The following CCDC171 variants were observed in gnomAD, a reference collection of about 807,000 sequenced individuals.
CCDC171 encodes coiled-coil domain-containing protein 171.
CCDC171 carries 177 observed loss-of-function variants against 168.2 expected under a neutral mutation model. The observed-to-expected ratio is 1.05, with a 90% CI of 0.93 to 1.19. The LOEUF is 1.19. Among genes scored for constraint, CCDC171 ranks in the 50% most tolerant of loss-of-function variants. The pLI, the probability that CCDC171 is intolerant of heterozygous loss-of-function variation, is 0.00. For synonymous variants in CCDC171, 687 were observed against 540.8 expected (o/e 1.27, Z -3.75); for missense variants, 1,991 against 1,539.0 (o/e 1.29, Z -4.91).
At chr9:16,086,238 C>A in the CCDC171 span, among the ~76,000 whole-genome samples, 1 of 151,982 alleles carries the variant, frequency 6.6e-6, no homozygotes, top group East Asian at 1.9e-4. Flanking sequence ...AGTTTATTTG[C>A]ATAGAGGTAT....
At chr9:15,553,504 G>C (rs2038508616) in intron 1 of CCDC171, 1 of 152,478 alleles carries the variant, frequency 6.6e-6, no homozygotes, top group South Asian at 2.1e-4. Context: ...AGATCGCTGA[G>C]GCTGTACCAG....
chr9:15,612,054 T>C (rs2043735653), intron 6 of CCDC171, among the ~76,000 whole-genome samples: 1 of 152,226 alleles, frequency 6.6e-6, no homozygotes, highest in African/African-American at 2.4e-5. Flanking sequence ...CTCTATAAAC[T>C]AGAAAGTAGG....
intron 4 of CCDC171, among the ~76,000 whole-genome samples, chr9:15,588,088 A>T (rs538101925): frequency 1.1e-4 from 17 of 152,130 alleles, no homozygotes; most frequent in Non-Finnish European, 1.8e-4. Context: ...TACAAAAATT[A>T]GCCAGGCGTG....
At chr9:15,628,582 G>A (rs2045379722) in intron 7 of CCDC171, among the ~76,000 whole-genome samples, 1 of 152,232 alleles carries the variant, frequency 6.6e-6, no homozygotes, top group African/African-American at 2.4e-5. Context: ...GCCTCTGTAG[G>A]CTCCACCTAT....
intron 24 of CCDC171, among the ~76,000 whole-genome samples, chr9:15,914,779 A>G (rs931464976): frequency 1.3e-5 from 2 of 152,050 alleles, no homozygotes; most frequent in African/African-American, 4.8e-5. Context: ...CTTGTGATGT[A>G]GGTACCCAAG....
At chr9:15,588,911 C>T (rs576531075) in intron 4 of CCDC171, among the ~76,000 whole-genome samples, 12 of 151,920 alleles carry the variant, frequency 7.9e-5, no homozygotes, top group African/African-American at 2.4e-4. Context: ...GGGGTTTCAC[C>T]GTGTTAGCCA....
chr9:15,918,159 G>T (rs1388220702), intron 24 of CCDC171, among the ~76,000 whole-genome samples: 2 of 151,442 alleles, frequency 1.3e-5, no homozygotes, highest in African/African-American at 4.8e-5. Flanking sequence ...CCTGTGTTTT[G>T]CTCTGAAAAA....
intron 18 of CCDC171, among the ~76,000 whole-genome samples, chr9:15,775,417 C>T (rs1359457649): frequency 6.6e-6 from 1 of 152,182 alleles, no homozygotes; most frequent in African/African-American, 2.4e-5. Context: ...CTCCCGAGTT[C>T]AAGGGATTCT....
intron 24 of CCDC171, among the ~76,000 whole-genome samples, chr9:15,912,963 C>T (rs1018987840): frequency 2.0e-5 from 3 of 152,154 alleles, no homozygotes; most frequent in Admixed American, 6.5e-5. Flanking sequence ...AGGATTTTCA[C>T]GTTGATATTC....
chr9:15,738,808 T>C (rs2054657011), intron 16 of CCDC171, among the ~76,000 whole-genome samples: 1 of 152,178 alleles, frequency 6.6e-6, no homozygotes, highest in South Asian at 2.1e-4. Flanking sequence ...TTTGGAAATT[T>C]TGTTTTTTTA....
At chr9:15,826,541 TTCTCTC>T (rs2060019546) in intron 21 of CCDC171, among the ~76,000 whole-genome samples, 1 of 152,154 alleles carries the variant, frequency 6.6e-6, no homozygotes, top group South Asian at 2.1e-4. Flanking sequence ...CTGATTTTCT[TTCTCTC>T]TCTCAATTTT....
intron 9 of CCDC171, among the ~76,000 whole-genome samples, chr9:15,675,428 G>A (rs553621994): frequency 2.4e-4 from 37 of 151,980 alleles, no homozygotes; most frequent in Non-Finnish European, 5.3e-4. Context: ...ATGTTAGCTG[G>A]TTATTTTGCC....
chr9:16,054,658 A>AT (rs999721720), intron 1 of CCDC171, among the ~76,000 whole-genome samples: 2 of 152,178 alleles, frequency 1.3e-5, no homozygotes, highest in South Asian at 4.1e-4. Flanking sequence ...CAAAAAATAT[A>AT]TTTTTTAATG....
chr9:15,665,783 A>G (rs989917686), intron 8 of CCDC171, among the ~76,000 whole-genome samples: 2 of 152,226 alleles, frequency 1.3e-5, no homozygotes, highest in African/African-American at 4.8e-5. Flanking sequence ...CTTGTCTCTT[A>G]AAAAACCCAA....
At chr9:15,978,516 C>T (rs1030235775), downstream of CCDC171, among the ~76,000 whole-genome samples, 4 of 152,064 alleles carry the variant, frequency 2.6e-5, no homozygotes, top group African/African-American at 9.7e-5. Flanking sequence ...AGGCAGAATC[C>T]CTGTTCTTCC....
chr9:15,666,283 G>C lies in CCDC171; in HGVS notation c.1036G>C (p.Glu346Gln), dbSNP rs1317110241. ...AGAAGTTGAAAGTGCATATGAGCGA[G>C]AAAAGCATAATGCACAAGAGAGCTT... ...FKEVESAYEREKHNAQESFAK... is the reference protein window; with the variant it reads ...FKEVESAYERQKHNAQESFAK... Residue 346 changes from glutamate to glutamine, a missense_variant, in exon 9 of 26, where the codon GAA becomes CAA. Coordinates refer to ENST00000380701, the MANE Select transcript of CCDC171 (RefSeq NM_173550.4). 1 of 1,613,464 alleles carries C rather than the reference G, an allele frequency of 6.2e-7. No individual in the cohort carries two copies. The highest frequency in any genetic ancestry group is 8.5e-7 in the Non-Finnish European group (1 of 1,179,654).
chr9:15,885,709 T>C (rs1474326477), intron 24 of CCDC171: 2 of 152,202 alleles, frequency 1.3e-5, no homozygotes, highest in South Asian at 2.1e-4. Context: ...GTTCTTCAAA[T>C]TGATGCCGCT....
chr9:15,790,878 G>C (rs567868524), intron 21 of CCDC171, among the ~76,000 whole-genome samples: 54 of 152,210 alleles, frequency 3.5e-4, no homozygotes, highest in African/African-American at 1.2e-3. Context: ...TCTTGTTTTT[G>C]TCAGGTTTGT....
rs1328118064 is a variant in CCDC171, at chr9:15,921,384, C to G, written c.3753+962C>G. On this transcript the variant is annotated intron_variant, in intron 25 of 25. Coordinates refer to ENST00000380701, the MANE Select transcript of CCDC171 (RefSeq NM_173550.4). ...CCTGAAAAACTGTCTCTCTTTTGCC[C>G]CATATTTCCTGTCTACCTTCCACCT... Among the ~76,000 whole-genome samples, 13 of 151,708 alleles carry G rather than the reference C, an allele frequency of 8.6e-5. No homozygotes were observed. In the Admixed American group the frequency reaches 8.6e-4, roughly 10 times the overall value.
Sources: gnomAD v4.1 joint callset for allele counts (sites outside exome capture counted in the v4.1 genomes callset) on GRCh38, gnomAD v4.1.1 for gene constraint, MANE v1.5 for transcripts, NCBI Gene and HGNC (gene_info 2026-07-23, HGNC 2026-07-21) for gene names.